The following PCDHGA9 variants were observed in gnomAD, a reference collection of about 807,000 sequenced individuals.
The protein encoded by PCDHGA9 is protocadherin gamma-A9.
A neutral mutation model predicts 62.5 loss-of-function variants in PCDHGA9; 37 were observed. The ratio of observed to expected loss-of-function variants is 0.59; its 90% CI spans 0.46 to 0.78. The LOEUF is 0.78. Ranked by LOEUF, PCDHGA9 falls within the 30% of genes least tolerant of loss-of-function variation. The probability of loss-of-function intolerance (pLI) is 0.00; values close to 1 mark genes in which losing one functional copy is unlikely to be tolerated. For synonymous variants in PCDHGA9, 459 were observed against 484.6 expected, an observed-to-expected ratio of 0.95 and a Z score of 0.69; for missense variants, 1,138 against 1,166.2, an observed-to-expected ratio of 0.98 and a Z score of 0.35.
At chr5:141,428,003 C>T in intron 1 of PCDHGA9, 1 of 1,601,362 alleles carries the variant, frequency 6.2e-7, no homozygotes, top group East Asian at 2.2e-5. Flanking sequence ...CCGCACTCTT[C>T]GATATAGTGC....
chr5:141,456,308 T>C (rs2098849199), intron 1 of PCDHGA9, among the ~76,000 whole-genome samples: 1 of 152,156 alleles, frequency 6.6e-6, no homozygotes, highest in Non-Finnish European at 1.5e-5. Context: ...GAACAGCAGC[T>C]AGGGCTCCTC....
Position 141,432,599 on chromosome 5 carries a change from C to T in PCDHGA9, c.2424+27223C>T. 2.5e-6 allele frequency: 4 copies of T among 1,613,908 alleles called. No individual in the cohort carries two copies. The highest frequency in any genetic ancestry group is 2.7e-5 in the African/African-American group (2 of 75,052). On this transcript the variant is annotated intron_variant, in intron 1 of 3. Coordinates refer to ENST00000573521, the MANE Select transcript of PCDHGA9 (RefSeq NM_018921.3). The surrounding 1 kb of genome is among the most constrained non-coding windows in gnomAD (Gnocchi z 6.0). Reference sequence around the variant, plus strand: ...CTACCGTCTGCTCAAGGCCAGCGAGCCGGGACTCTTCTCGGTGGGTCTGCA... The same window carrying T: ...CTACCGTCTGCTCAAGGCCAGCGAGTCGGGACTCTTCTCGGTGGGTCTGCA...
rs192631651 is a variant in PCDHGA9, at chr5:141,432,052, C to G, written c.2424+26676C>G. On this transcript the variant is annotated intron_variant, in intron 1 of 3. Transcript: ENST00000573521. The surrounding 1 kb of genome is among the most constrained non-coding windows in gnomAD (Gnocchi z 6.0). Reference sequence around the variant, plus strand: ...CCGCCACTGACCGGGGAACCCCGCCCCTATCCACGGAAACTCATATCTCGC... The same window carrying G: ...CCGCCACTGACCGGGGAACCCCGCCGCTATCCACGGAAACTCATATCTCGC... The G allele has an allele frequency of 8.1e-6, 13 of 1,614,226 alleles. No homozygotes were observed. In the Admixed American group the frequency reaches 1.8e-4, roughly 23 times the overall value.
Position 141,485,447 on chromosome 5 carries a change from C to G in PCDHGA9, c.2425-9360C>G, listed in dbSNP as rs1233800346. 6.2e-7 allele frequency: 1 copy of G among 1,614,144 alleles called. No individual in the cohort carries two copies. The highest frequency in any genetic ancestry group is 8.5e-7 in the Non-Finnish European group (1 of 1,180,036). On this transcript the variant is annotated intron_variant, in intron 1 of 3. Transcript: ENST00000573521. This position sits in a 1 kb window ranked among gnomAD's most constrained non-coding sequence, Gnocchi z 5.7. ...CCTGCTCATCAAGAACCCAATCGAC[C>G]GAGAGGCACTGTGTGGGCTCAGTGC... is the stretch of plus-strand genomic sequence containing the variant.
chr5:141,420,244 C>A lies in PCDHGA9; in HGVS notation c.2424+14868C>A, dbSNP rs755775597. On this transcript the variant is annotated intron_variant, in intron 1 of 3. Coordinates refer to ENST00000573521, the MANE Select transcript of PCDHGA9 (RefSeq NM_018921.3). ...TACTGGCTAGCATTTTAACTCCCAGCGTTGAAGCAGATAAGAAGATTCTTA... is the reference window on the plus strand; with the variant it reads ...TACTGGCTAGCATTTTAACTCCCAGAGTTGAAGCAGATAAGAAGATTCTTA... 83 of 1,584,438 alleles carry A rather than the reference C, an allele frequency of 5.2e-5. 1 individual carries two copies. The South Asian group carries it at 9.4e-4, about 18-fold the overall frequency.
chr5:141,404,004 C>G lies in PCDHGA9; in HGVS notation c.1052C>G (p.Ser351Cys), dbSNP rs1219625288. 2.0e-5 allele frequency: 33 copies of G among 1,613,842 alleles called. No individual in the cohort carries two copies. The highest frequency in any genetic ancestry group is 2.8e-5 in the Non-Finnish European group (33 of 1,179,842). Residue 351 changes from serine to cysteine, a missense_variant, in exon 1 of 4, where the codon TCT becomes TGT. Ser to Cys is a moderately radical substitution (Grantham distance 112). Transcript: ENST00000573521. ...AATAGACCTGAAGTGACCATTACAT[C>G]TCTGTTTAGCCCAGTGAGAGAAGAC... ...NDNRPEVTITSLFSPVREDAP... is the reference protein window; with the variant it reads ...NDNRPEVTITCLFSPVREDAP...
Position 141,404,476 on chromosome 5 carries a change from C to G in PCDHGA9, c.1524C>G (p.Asn508Lys), listed in dbSNP as rs1453332441. The part of the protein sequence containing the change: ...GSPLSTYVSI[N>K]SDTGVLYALC... ...CTCTCTCCACCTATGTCTCTATTAA[C>G]TCAGACACTGGTGTGCTGTATGCTC... The change falls in exon 1 of 4, where the codon AAC (asparagine) becomes AAG (lysine). Residue 508 changes from asparagine (N) to lysine (K), a missense_variant. Physicochemically the swap from Asn to Lys is moderately conservative, Grantham distance 94. Coordinates refer to ENST00000573521, the MANE Select transcript of PCDHGA9 (RefSeq NM_018921.3). 1.9e-6 allele frequency: 3 copies of G among 1,613,362 alleles called. No individual in the cohort carries two copies. The highest frequency in any genetic ancestry group is 2.5e-6 in the Non-Finnish European group (3 of 1,179,372).
rs367919924 is a variant in PCDHGA9, at chr5:141,487,711, T to A, written c.2425-7096T>A. The A allele has an allele frequency of 1.1e-5, 18 of 1,586,144 alleles. No individual in the cohort carries two copies. In the African/African-American group the frequency reaches 2.1e-4, roughly 19 times the overall value. On this transcript the variant is annotated intron_variant, in intron 1 of 3. Transcript: ENST00000573521. The surrounding 1 kb of genome is among the most constrained non-coding windows in gnomAD (Gnocchi z 5.0). ...TAGAGAGTACTGGCCTCTCAGTAAG[T>A]GCCCATAGTGATGTCACCATTTTTG...
At position 141,477,806 on chromosome 5, in the gene PCDHGA9, G is replaced by GC; in HGVS notation, c.2425-16995dup. Reference sequence around the variant, plus strand: ...ATTTGTCACTGATCGCAATGACAATGCCCCCCAGGTCCTATATCCTCGGCC... The same window carrying GC: ...ATTTGTCACTGATCGCAATGACAATGCCCCCCCAGGTCCTATATCCTCGGCC... On this transcript the variant is annotated intron_variant, in intron 1 of 3. Transcript: ENST00000573521. This position sits in a 1 kb window ranked among gnomAD's most constrained non-coding sequence, Gnocchi z 4.9. 1 of 1,614,114 alleles carries GC rather than the reference G, an allele frequency of 6.2e-7. No homozygotes were observed.
chr5:141,478,420 C>A, intron 1 of PCDHGA9: 1 of 1,613,676 alleles, frequency 6.2e-7, no homozygotes, highest in Non-Finnish European at 8.5e-7. Context: ...ACTCCCGCCG[C>A]AGCGACCCGC....
chr5:141,473,299 G>T (rs182316672), intron 1 of PCDHGA9, among the ~76,000 whole-genome samples: 5 of 152,228 alleles, frequency 3.3e-5, no homozygotes, highest in Admixed American at 1.3e-4. Flanking sequence ...GTAGCATAAA[G>T]ATTGCTATAT....
intron 1 of PCDHGA9, chr5:141,427,891 G>A (rs767506033): frequency 1.3e-6 from 2 of 1,566,658 alleles, no homozygotes; most frequent in South Asian, 2.2e-5. Context: ...CACGACCAGG[G>A]CTCGCCCGCG....
rs1276332038 is a variant in PCDHGA9, at chr5:141,403,251, C to G, written c.299C>G (p.Pro100Arg). 41 of 1,613,756 alleles carry G rather than the reference C, an allele frequency of 2.5e-5. No homozygotes were observed. Among genetic ancestry groups the G allele is most frequent in the Non-Finnish European group, 3.4e-5 (40 of 1,179,902 alleles). ...IDREELCAQS[P>R]RCLVNFKVLV... ...CGGGAGGAGCTCTGTGCTCAGAGCC[C>G]GCGGTGTCTGGTGAACTTTAAAGTC... The change falls in exon 1 of 4, where the codon CCG (proline) becomes CGG (arginine). Residue 100 changes from proline to arginine, a missense_variant. Coordinates refer to ENST00000573521, the MANE Select transcript of PCDHGA9 (RefSeq NM_018921.3).
rs1268267002 is a variant in PCDHGA9, at chr5:141,403,315, A to G, written c.363A>G (p.Ile121Met). Residue 121 changes from isoleucine to methionine, a missense_variant, in exon 1 of 4, where the codon ATA becomes ATG. Coordinates refer to ENST00000573521, the MANE Select transcript of PCDHGA9 (RefSeq NM_018921.3). ...EDRVKLYGIE[I>M]EVTDINDSAP... ...GAGTGAAACTGTACGGAATAGAAAT[A>G]GAAGTAACTGATATTAACGACAGCG... 6.2e-7 allele frequency: 1 copy of G among 1,613,974 alleles called. No homozygotes were observed. Among genetic ancestry groups the G allele is most frequent in the Non-Finnish European group, 8.5e-7 (1 of 1,179,912 alleles).
chr5:141,418,277 T>G, intron 1 of PCDHGA9: 2 of 1,614,026 alleles, frequency 1.2e-6, no homozygotes, highest in Non-Finnish European at 1.7e-6. Flanking sequence ...TGAAATAAAC[T>G]TAGAAATCAG....
chr5:141,417,805 G>T, intron 1 of PCDHGA9: 1 of 1,499,292 alleles, frequency 6.7e-7, no homozygotes. Flanking sequence ...TAGCGCGGTA[G>T]AGTGCACTTT....
chr5:141,447,048 A>T (rs149112101), intron 1 of PCDHGA9, among the ~76,000 whole-genome samples: 1 of 152,066 alleles, frequency 6.6e-6, no homozygotes, highest in Non-Finnish European at 1.5e-5. Flanking sequence ...CTGGAATTCT[A>T]TTAAAATGTG....
chr5:141,416,441 T>C (rs2096024396), intron 1 of PCDHGA9: 1 of 152,162 alleles, frequency 6.6e-6, no homozygotes, highest in Non-Finnish European at 1.5e-5. Flanking sequence ...TGAAAGTAAA[T>C]ATGGGTTGGG....
At chr5:141,492,637 C>T (rs2099742781) in intron 1 of PCDHGA9, among the ~76,000 whole-genome samples, 1 of 152,260 alleles carries the variant, frequency 6.6e-6, no homozygotes, top group South Asian at 2.1e-4. Context: ...CTCTACGATC[C>T]TTGGGCCAGA....
Sources: allele counts gnomAD v4.1 joint callset (sites outside exome capture counted in the v4.1 genomes callset), GRCh38; gene constraint gnomAD v4.1.1; non-coding constraint Gnocchi (gnomAD v3.1); transcripts MANE v1.5; gene names NCBI Gene and HGNC (gene_info 2026-07-23, HGNC 2026-07-21).